WNK2: variants seen among roughly 807,000 people sequenced by gnomAD.
The protein encoded by WNK2 is WNK lysine deficient protein kinase 2.
A neutral mutation model predicts 192.1 loss-of-function variants in WNK2; 67 were observed. The observed-to-expected ratio is 0.35, with a 90% confidence interval of 0.29 to 0.43. The LOEUF (loss-of-function observed/expected upper bound fraction) is 0.43. WNK2 is among the 20% of genes least tolerant of loss of function. The pLI, the probability that WNK2 is intolerant of heterozygous loss-of-function variation, is 1.00. For missense variants in WNK2, 2,698 were observed against 3,089.7 expected (o/e 0.87, Z 3.01); for synonymous variants, 1,439 against 1,393.9 (o/e 1.03, Z -0.72).
intron 19 of WNK2, among the ~76,000 whole-genome samples, chr9:93,272,994 A>G (rs1260290034): frequency 2.0e-5 from 3 of 152,198 alleles, no homozygotes; most frequent in African/African-American, 7.2e-5. Flanking sequence ...CTTCAAGTAC[A>G]ACAATACTGA....
intron 7 of WNK2, among the ~76,000 whole-genome samples, chr9:93,245,295 C>T (rs1309175694): frequency 2.6e-5 from 4 of 152,166 alleles, no homozygotes; most frequent in Non-Finnish European, 4.4e-5. Flanking sequence ...CCGGAAATAC[C>T]GTCAATCCTC....
In WNK2 at chr9:93,239,230, A is replaced by G. The variant is rs373840614; in HGVS notation, c.1323-527A>G. Among the ~76,000 whole-genome samples, 401 of 151,754 alleles carry G rather than the reference A, an allele frequency of 2.6e-3. No individual in the cohort carries two copies. The highest frequency in any genetic ancestry group is 9.1e-3 in the African/African-American group (377 of 41,360). ...GGCCCCCCCAGTTCTGCAGGTCCTC[A>G]CTCTCCTCCAGCTCACCCTCTGCTC... On this transcript the variant is annotated intron_variant, in intron 6 of 29. Coordinates refer to ENST00000427277, the MANE Select transcript of WNK2 (RefSeq NM_006648.4). This position sits in a 1 kb window ranked among gnomAD's most constrained non-coding sequence, Gnocchi z 4.2.
rs1336306092 is a variant in WNK2, at chr9:93,288,885, T to C, written c.4131T>C (p.Pro1377=). 1 of 1,610,682 alleles carries C rather than the reference T, an allele frequency of 6.2e-7. No individual in the cohort carries two copies. Among genetic ancestry groups the C allele is most frequent in the Non-Finnish European group, 8.5e-7 (1 of 1,179,106 alleles). The part of the protein sequence containing the change: ...LLSQAGPSNP[P]GAPPAPLAPS... ...GCCAGGCGGGCCCCAGCAACCCTCC[T>C]GGGGCACCCCCAGCCCCTTTGGCCC... is the stretch of plus-strand genomic sequence containing the variant. The change falls in exon 20 of 30, where the codon CCT becomes CCC. Residue 1377 remains proline (P), a synonymous_variant. Transcript: ENST00000427277.
At position 93,231,047 on chromosome 9, in the gene WNK2, G is replaced by A. The variant is rs1318877413; in HGVS notation, c.1014G>A (p.Val338=). ...NIFITGPTGS[V]KIGDLGLATL... ...TCATCACCGGACCAACTGGGTCTGT[G>A]AAGATTGGCGACTTGGGCCTGGCCA... Residue 338 remains valine (V), a synonymous_variant, in exon 4 of 30, where the codon GTG becomes GTA. Coordinates refer to ENST00000427277, the MANE Select transcript of WNK2 (RefSeq NM_006648.4). The A allele has an allele frequency of 6.2e-7, 1 of 1,613,850 alleles. No homozygotes were observed. The highest frequency in any genetic ancestry group is 8.5e-7 in the Non-Finnish European group (1 of 1,179,882).
chr9:93,243,928 T>A (rs1019772755), intron 7 of WNK2, among the ~76,000 whole-genome samples: 1 of 152,244 alleles, frequency 6.6e-6, no homozygotes, highest in African/African-American at 2.4e-5. Context: ...GAGGCTGCTC[T>A]TCTTCCTAAA....
At chr9:93,235,657 C>T (rs1564054092) in intron 5 of WNK2, among the ~76,000 whole-genome samples, 2 of 152,336 alleles carry the variant, frequency 1.3e-5, no homozygotes, top group East Asian at 1.9e-4. Context: ...CTGCACCACC[C>T]GTCTTGTTGT....
At chr9:93,207,547 T>C (rs1833620333) in intron 2 of WNK2, among the ~76,000 whole-genome samples, 2 of 152,208 alleles carry the variant, frequency 1.3e-5, no homozygotes, top group Admixed American at 1.3e-4. Flanking sequence ...TTTGCGAGCT[T>C]TACAGAATTG....
chr9:93,242,108 A>G (rs1840874199), intron 7 of WNK2, among the ~76,000 whole-genome samples: 1 of 152,200 alleles, frequency 6.6e-6, no homozygotes, highest in African/African-American at 2.4e-5. Context: ...GCCTTGGGCC[A>G]GGGCTCTGCC....
chr9:93,308,452 GGTGGACGA>G lies in WNK2; in HGVS notation c.6394_6401del (p.Trp2132GlnfsTer78). 6.2e-7 allele frequency: 1 copy of G among 1,610,588 alleles called. No individual in the cohort carries two copies. Among genetic ancestry groups the G allele is most frequent in the Non-Finnish European group, 8.5e-7 (1 of 1,178,810 alleles). ...CCTTCACGGACGACCTGCACAAGCT[GGTGGACGA>G]GTGGACGAGCAAGACGGTGGGGGCC... On this transcript the variant is annotated frameshift_variant, in exon 28 of 30. Coordinates refer to ENST00000427277, the MANE Select transcript of WNK2 (RefSeq NM_006648.4). LOFTEE classifies it high-confidence loss of function.
intron 7 of WNK2, among the ~76,000 whole-genome samples, chr9:93,246,824 G>A (rs1191824774): frequency 6.6e-6 from 1 of 152,232 alleles, no homozygotes. Flanking sequence ...GGTGGATCTG[G>A]AATCTTTGTT....
intron 19 of WNK2, among the ~76,000 whole-genome samples, chr9:93,274,775 G>C (rs1301653710): frequency 1.3e-5 from 2 of 152,090 alleles, no homozygotes; most frequent in Non-Finnish European, 2.9e-5. Flanking sequence ...TGAATTTGTT[G>C]TTAAAAATCT....
At position 93,289,197 on chromosome 9, in the gene WNK2, GC is replaced by G; in HGVS notation, c.4446del (p.Ser1483AlafsTer106). 6.2e-7 allele frequency: 1 copy of G among 1,602,948 alleles called. No homozygotes were observed. On this transcript the variant is annotated frameshift_variant, in exon 20 of 30. Coordinates refer to ENST00000427277, the MANE Select transcript of WNK2 (RefSeq NM_006648.4). LOFTEE classifies it high-confidence loss of function. Reference sequence around the variant, plus strand: ...AGCCCCTGCCACCTCCTGCACCTGAGCCCAGCCCCCACAGCGGGACCCCACA... The same window carrying G: ...AGCCCCTGCCACCTCCTGCACCTGAGCCAGCCCCCACAGCGGGACCCCACA... ...REPLPPPAPEPSPHSGTPQPA... is the reference protein window; with the variant it reads ...REPLPPPAPEXSPHSGTPQPA...
chr9:93,294,499 T>C (rs952510755), intron 23 of WNK2, among the ~76,000 whole-genome samples: 14 of 152,204 alleles, frequency 9.2e-5, no homozygotes, highest in African/African-American at 3.1e-4. Context: ...TGGGCACATT[T>C]GCTCAGCAGG....
intron 20 of WNK2, 82 bp downstream of exon 20, chr9:93,289,702 C>T: frequency 7.4e-7 from 1 of 1,350,222 alleles, no homozygotes; most frequent in Non-Finnish European, 9.8e-7. Flanking sequence ...GGGCAGGCAT[C>T]TTGGCTATGC....
rs1483016737 is a variant in WNK2, at chr9:93,256,289, C to G, written c.2035-10C>G. 6.5e-7 allele frequency: 1 copy of G among 1,537,164 alleles called. No individual in the cohort carries two copies. The highest frequency in any genetic ancestry group is 8.7e-7 in the Non-Finnish European group (1 of 1,147,926). On this transcript the variant is annotated splice_polypyrimidine_tract_variant and intron_variant, in intron 9 of 29. Coordinates refer to ENST00000427277, the MANE Select transcript of WNK2 (RefSeq NM_006648.4). ...GCTGCTGCTGAGTGTGGCCCTGGTG[C>G]TCTCTGCAGCCTGGCTTGCCGGTGG...
intron 2 of WNK2, among the ~76,000 whole-genome samples, chr9:93,195,162 A>G (rs994936060): frequency 6.6e-5 from 10 of 152,200 alleles, no homozygotes; most frequent in African/African-American, 2.4e-4. Context: ...CAAAACCCAT[A>G]GCATGTACAG....
chr9:93,291,641 C>T (rs570820170), intron 21 of WNK2, among the ~76,000 whole-genome samples: 3 of 152,244 alleles, frequency 2.0e-5, no homozygotes, highest in East Asian at 1.9e-4. Context: ...TGTACATGTG[C>T]GGGCGGCCCC....
At chr9:93,222,920 G>A (rs999473422) in intron 2 of WNK2, among the ~76,000 whole-genome samples, 1 of 152,218 alleles carries the variant, frequency 6.6e-6, no homozygotes, top group Non-Finnish European at 1.5e-5. Flanking sequence ...GACCTCAGGT[G>A]ATCTGCCCGC....
chr9:93,230,399 C>T (rs961514922), intron 3 of WNK2, among the ~76,000 whole-genome samples: 2 of 152,186 alleles, frequency 1.3e-5, no homozygotes, highest in Non-Finnish European at 2.9e-5. Context: ...AGAGGAGAGC[C>T]CTTTTCTTAG....
Sources: gnomAD v4.1 joint callset for allele counts (sites outside exome capture counted in the v4.1 genomes callset) on GRCh38, gnomAD v4.1.1 for gene constraint, Gnocchi (gnomAD v3.1) non-coding constraint, MANE v1.5 for transcripts, NCBI Gene and HGNC (gene_info 2026-07-23, HGNC 2026-07-21) for gene names.